EXOC1: variants seen among roughly 807,000 people sequenced by gnomAD.
The protein encoded by EXOC1 is SEC3-like 1.
EXOC1 carries 67 observed loss-of-function variants against 107.7 expected under a neutral mutation model. That is an observed-to-expected ratio of 0.62 (90% CI 0.51 to 0.76). The LOEUF is 0.76. Among genes scored for constraint, EXOC1 ranks in the 30% least tolerant of loss-of-function variants. The pLI, the probability that EXOC1 is intolerant of heterozygous loss-of-function variation, is 0.00. For synonymous variants in EXOC1, 348 were observed against 353.5 expected, an observed-to-expected ratio of 0.98 and a Z score of 0.17; for missense variants, 833 against 1,055.7, an observed-to-expected ratio of 0.79 and a Z score of 2.92.
chr4:55,903,871 T>G (rs998002024), intron 18 of EXOC1, among the ~76,000 whole-genome samples: 5 of 152,160 alleles, frequency 3.3e-5, no homozygotes, highest in Non-Finnish European at 5.9e-5. Flanking sequence ...AGCAAGGTTT[T>G]GCATCAACAA....
At chr4:55,870,570 A>C in intron 5 of EXOC1, 108 bp from the exon 6 acceptor site, 1 of 1,038,814 alleles carries the variant, frequency 9.6e-7, no homozygotes, top group Non-Finnish European at 1.4e-6. Flanking sequence ...GCTACTTTCA[A>C]GGAAATTTAG....
At chr4:55,887,589 G>C (rs571108220) in intron 10 of EXOC1, among the ~76,000 whole-genome samples, 3 of 151,898 alleles carry the variant, frequency 2.0e-5, no homozygotes, top group East Asian at 3.9e-4. Flanking sequence ...ATTCCTTATT[G>C]ACTACTAAAG....
intron 17 of EXOC1, 144 bp from the exon 18 acceptor site, chr4:55,902,200 A>G: frequency 3.8e-6 from 2 of 523,122 alleles, no homozygotes; most frequent in Non-Finnish European, 6.2e-6. Flanking sequence ...GAAGTATGTT[A>G]ATAAGTGATT....
In EXOC1 at chr4:55,881,161, T is replaced by C. The variant is rs146093570; in HGVS notation, c.1225-2662T>C. On this transcript the variant is annotated intron_variant, in intron 9 of 18. Coordinates refer to ENST00000381295, the MANE Select transcript of EXOC1 (RefSeq NM_001024924.2). ...ATCTAAGCAAAGCCCCATTTTTTGG[T>C]ATACAGAAAATAGTTGTAGCTTGGA... Among the ~76,000 whole-genome samples, 1,073 of 152,256 alleles carry C rather than the reference T, an allele frequency of 7.0e-3. 8 individuals carry two copies. Among genetic ancestry groups the C allele is most frequent in the South Asian group, 0.014 (66 of 4,822 alleles).
intron 15 of EXOC1, among the ~76,000 whole-genome samples, chr4:55,894,324 C>CA (rs200900566): frequency 0.016 from 1,276 of 79,960 alleles, 17 homozygotes; most frequent in African/African-American, 0.048. Flanking sequence ...AAGACTGTGT[C>CA]AAAAAAAAAA....
Position 55,870,643 on chromosome 4 carries a change from T to G in EXOC1, c.604-35T>G, listed in dbSNP as rs747423589. 22 of 1,532,892 alleles carry G rather than the reference T, an allele frequency of 1.4e-5. No individual in the cohort carries two copies. In the Middle Eastern group the frequency reaches 5.1e-4, roughly 36 times the overall value. The allele number at this position is 1,532,892 out of a possible 1,614,324, so 95.0% of individuals were successfully genotyped here. A position where few individuals can be genotyped will look rare whatever the true frequency, so the allele number is the denominator to read the frequency against. ...CAAGTATGTTTTTTGTTTGTTTGTTTGTTTGTTTGTTTGTTTTGGTCTTTA... is the reference window on the plus strand; with the variant it reads ...CAAGTATGTTTTTTGTTTGTTTGTTGGTTTGTTTGTTTGTTTTGGTCTTTA... On this transcript the variant is annotated intron_variant, in intron 5 of 18. Coordinates refer to ENST00000381295, the MANE Select transcript of EXOC1 (RefSeq NM_001024924.2).
intron 9 of EXOC1, among the ~76,000 whole-genome samples, chr4:55,879,430 A>G (rs1004593234): frequency 6.6e-6 from 1 of 152,166 alleles, no homozygotes; most frequent in African/African-American, 2.4e-5. Flanking sequence ...CAGGGAGGCC[A>G]GTGTGGTAGG....
intron 8 of EXOC1, among the ~76,000 whole-genome samples, chr4:55,875,080 C>A (rs1223335016): frequency 1.3e-5 from 2 of 151,998 alleles, no homozygotes; most frequent in Non-Finnish European, 2.9e-5. Flanking sequence ...TGAAAATAAA[C>A]TGAAATGCAC....
At chr4:55,877,262 A>T in intron 8 of EXOC1, 5 of 985,338 alleles carry the variant, frequency 5.1e-6, no homozygotes, top group Non-Finnish European at 6.0e-6. Flanking sequence ...ATTTTAATAC[A>T]GTTTTCACAA....
chr4:55,854,648 T>C (rs183729708), intron 1 of EXOC1, among the ~76,000 whole-genome samples: 1 of 152,334 alleles, frequency 6.6e-6, no homozygotes, highest in Non-Finnish European at 1.5e-5. Context: ...GCTGAATGAA[T>C]GAAGAGTCAC....
chr4:55,854,994 A>G (rs1261115368), intron 1 of EXOC1, among the ~76,000 whole-genome samples: 4 of 152,222 alleles, frequency 2.6e-5, no homozygotes, highest in Admixed American at 1.3e-4. Context: ...TAAGATCTTC[A>G]TTGAATCAAC....
At chr4:55,897,059 A>G (rs1473180448) in intron 16 of EXOC1, among the ~76,000 whole-genome samples, 159 bp downstream of exon 16, 1 of 151,684 alleles carries the variant, frequency 6.6e-6, no homozygotes, top group Non-Finnish European at 1.5e-5. Context: ...AATAAAACCT[A>G]TTTGTATTCA....
chr4:55,876,132 A>T, intron 8 of EXOC1: 3 of 985,250 alleles, frequency 3.0e-6, no homozygotes, highest in Non-Finnish European at 3.6e-6. Flanking sequence ...TTTACTTAAT[A>T]TTATTGATTT....
chr4:55,861,525 G>A (rs145366162), intron 3 of EXOC1, among the ~76,000 whole-genome samples: 11 of 152,300 alleles, frequency 7.2e-5, no homozygotes, highest in African/African-American at 2.6e-4. Flanking sequence ...AGGTAGTTGA[G>A]TTGGGTGCAA....
intron 10 of EXOC1, among the ~76,000 whole-genome samples, chr4:55,885,134 G>A (rs1025968344): frequency 4.6e-5 from 7 of 151,856 alleles, no homozygotes; most frequent in Admixed American, 2.0e-4. Context: ...TGAGTAAACA[G>A]CATATTATTA....
At position 55,869,874 on chromosome 4, in the gene EXOC1, G is replaced by C. The variant is rs138033035; in HGVS notation, c.604-804G>C. 5.3e-3 allele frequency among the ~76,000 whole-genome samples: 802 copies of C among 152,184 alleles called. 7 individuals are homozygous for C. The highest frequency in any genetic ancestry group is 0.018 in the African/African-American group (764 of 41,514). ...CCATGTTACTTGCCTTCTTAATATGGCTTAGTGATTTATATTTTTTGTTCT... is the reference window on the plus strand; with the variant it reads ...CCATGTTACTTGCCTTCTTAATATGCCTTAGTGATTTATATTTTTTGTTCT... On this transcript the variant is annotated intron_variant, in intron 5 of 18. Coordinates refer to ENST00000381295, the MANE Select transcript of EXOC1 (RefSeq NM_001024924.2).
intron 10 of EXOC1, among the ~76,000 whole-genome samples, chr4:55,887,333 T>C (rs147643791): frequency 5.0e-4 from 76 of 152,258 alleles, no homozygotes; most frequent in Non-Finnish European, 1.1e-3. Flanking sequence ...CAATGCTGAA[T>C]TCAGGGATGG....
chr4:55,868,595 A>G (rs1484151328), intron 5 of EXOC1, 72 bp downstream of exon 5: 10 of 1,387,762 alleles, frequency 7.2e-6, no homozygotes, highest in Non-Finnish European at 9.9e-6. Context: ...TTCATATTAT[A>G]CTACCTCAGC....
intron 15 of EXOC1, among the ~76,000 whole-genome samples, chr4:55,896,092 G>A (rs1231412805): frequency 6.6e-6 from 1 of 152,164 alleles, no homozygotes; most frequent in African/African-American, 2.4e-5. Context: ...AGAAATGTGT[G>A]TTGACTGTTT....
Sources: gnomAD v4.1 joint callset for allele counts (sites outside exome capture counted in the v4.1 genomes callset) on GRCh38, gnomAD v4.1.1 for gene constraint, MANE v1.5 for transcripts, NCBI Gene and HGNC (gene_info 2026-07-23, HGNC 2026-07-21) for gene names.